EVA1C: variants seen among roughly 807,000 people sequenced by gnomAD.
The protein encoded by EVA1C is protein eva-1 homolog C.
Under a neutral mutation model 45.4 loss-of-function variants are expected in EVA1C, and 25 were observed. The observed-to-expected ratio is 0.55, with a 90% confidence interval of 0.40 to 0.77. The LOEUF (loss-of-function observed/expected upper bound fraction) is 0.77, where lower values mean the gene tolerates loss of function less well. Among genes scored for constraint, EVA1C ranks in the 30% least tolerant of loss-of-function variants. EVA1C has a pLI of 0.00. For missense variants in EVA1C, 479 were observed against 554.8 expected (o/e 0.86, Z 1.37); for synonymous variants, 190 against 221.2 (o/e 0.86, Z 1.25).
At chr21:32,427,305 C>T (rs1009963721) in intron 1 of EVA1C, among the ~76,000 whole-genome samples, 4 of 152,198 alleles carry the variant, frequency 2.6e-5, no homozygotes, top group African/African-American at 9.7e-5. Context: ...CATCTTCTTG[C>T]AAGACTTTAC....
chr21:32,488,831 C>T (rs1459005352), intron 4 of EVA1C, among the ~76,000 whole-genome samples: 3 of 150,312 alleles, frequency 2.0e-5, no homozygotes, highest in Non-Finnish European at 2.9e-5. Context: ...GGTGATCCGC[C>T]CACCTTGGCC....
At chr21:32,424,297 G>A (rs935860465) in intron 1 of EVA1C, among the ~76,000 whole-genome samples, 1 of 152,074 alleles carries the variant, frequency 6.6e-6, no homozygotes, top group African/African-American at 2.4e-5. Context: ...ACTGTACTGA[G>A]GAACAAGAGA....
chr21:32,509,418 C>T (rs2037873275), intron 7 of EVA1C, among the ~76,000 whole-genome samples: 2 of 152,192 alleles, frequency 1.3e-5, no homozygotes, highest in African/African-American at 4.8e-5. Context: ...GGGAGAGAAG[C>T]TCTCCTGGCA....
rs1488695683 is a variant in EVA1C at position 32,413,833 on chromosome 21, C to T, written c.160+820C>T. The stretch of plus-strand genomic sequence containing the variant: ...GCCGCTGAAGCACACCTGGATCTCC[C>T]TCTGGCAAGGCTGGAGGCCTTCAGC... On this transcript the variant is annotated intron_variant, in intron 1 of 7. Coordinates refer to ENST00000300255, the MANE Select transcript of EVA1C (RefSeq NM_058187.5). Among the ~76,000 whole-genome samples, 161 of 152,300 alleles carry T rather than the reference C, an allele frequency of 1.1e-3. 1 individual carries two copies. Among genetic ancestry groups the T allele is most frequent in the Non-Finnish European group, 1.5e-5 (1 of 68,016 alleles).
intron 1 of EVA1C, among the ~76,000 whole-genome samples, chr21:32,416,240 T>G (rs761130332): frequency 1.8e-3 from 270 of 152,196 alleles, no homozygotes; most frequent in Middle Eastern, 3.4e-3. Flanking sequence ...TTCTAATTTG[T>G]GTTGTTTCTC....
At chr21:32,427,696 A>T (rs2034542772) in intron 1 of EVA1C, among the ~76,000 whole-genome samples, 1 of 148,978 alleles carries the variant, frequency 6.7e-6, no homozygotes, top group Non-Finnish European at 1.5e-5. Context: ...CTGGTGACAG[A>T]GCAAGTCTCC....
intron 1 of EVA1C, among the ~76,000 whole-genome samples, chr21:32,431,504 C>T (rs2034702859): frequency 2.0e-5 from 3 of 152,196 alleles, no homozygotes; most frequent in Non-Finnish European, 4.4e-5. Context: ...GCAGTTTCAC[C>T]CCCAGCTAAC....
intron 6 of EVA1C, among the ~76,000 whole-genome samples, chr21:32,503,069 C>A (rs2037610370): frequency 6.6e-6 from 1 of 152,234 alleles, no homozygotes; most frequent in South Asian, 2.1e-4. Context: ...GTCCCCCAAG[C>A]CATCAGGTTA....
chr21:32,437,968 CGCACG>C (rs2035025996), intron 1 of EVA1C, among the ~76,000 whole-genome samples: 1 of 152,184 alleles, frequency 6.6e-6, no homozygotes. Flanking sequence ...CAAATAACAC[CGCACG>C]GCCCCCGGTC....
chr21:32,496,084 G>C (rs1054441662), intron 5 of EVA1C, among the ~76,000 whole-genome samples: 6 of 152,176 alleles, frequency 3.9e-5, no homozygotes, highest in Non-Finnish European at 7.3e-5. Context: ...ACCACAATCA[G>C]TTTAAGAACA....
chr21:32,500,164 A>G (rs1302856265), intron 5 of EVA1C, among the ~76,000 whole-genome samples: 1 of 148,212 alleles, frequency 6.7e-6, no homozygotes, highest in African/African-American at 2.5e-5. Flanking sequence ...AGTCCAGGGA[A>G]GCTCATCTTC....
intron 1 of EVA1C, among the ~76,000 whole-genome samples, chr21:32,431,747 T>C (rs1239602250): frequency 3.3e-5 from 5 of 152,250 alleles, no homozygotes; most frequent in Admixed American, 3.3e-4. Context: ...GCTACCATTT[T>C]ACCCCATTTG....
chr21:32,421,110 C>T (rs1013730163), intron 1 of EVA1C, among the ~76,000 whole-genome samples: 49 of 152,152 alleles, frequency 3.2e-4, no homozygotes, highest in Middle Eastern at 6.8e-3. Flanking sequence ...CCCAACAAAA[C>T]ACCTAGAAAT....
rs548427955 is a variant in EVA1C, at chr21:32,497,216, G to A, written c.778+2046G>A. The A allele has an allele frequency of 8.6e-4, 700 of 813,802 alleles. 8 individuals carry two copies. The South Asian group carries it at 8.8e-3, about 10-fold the overall frequency. The allele number at this position is 813,802 out of a possible 1,614,324, so 50.4% of individuals were successfully genotyped here. A position where few individuals can be genotyped will look rare whatever the true frequency, so the allele number is the denominator to read the frequency against. On this transcript the variant is annotated intron_variant, in intron 5 of 7. Transcript: ENST00000300255. ...AAGAGTATGGGTTAAGGGAAAAACC[G>A]TCCAGCAGACTTTAATTTTGGCAAA...
At chr21:32,434,441 A>G (rs2034847248) in intron 1 of EVA1C, among the ~76,000 whole-genome samples, 1 of 150,180 alleles carries the variant, frequency 6.7e-6, no homozygotes, top group South Asian at 2.1e-4. Flanking sequence ...AATACAAAAA[A>G]TTAGCCGGGC....
intron 4 of EVA1C, among the ~76,000 whole-genome samples, chr21:32,469,611 A>T (rs1328046299): frequency 1.3e-5 from 2 of 152,212 alleles, no homozygotes; most frequent in African/African-American, 4.8e-5. Flanking sequence ...TTAAAGAATT[A>T]GTTCACAGGG....
At chr21:32,503,327 C>T (rs1269376010) in intron 6 of EVA1C, among the ~76,000 whole-genome samples, 9 of 152,188 alleles carry the variant, frequency 5.9e-5, no homozygotes, top group Admixed American at 5.9e-4. Flanking sequence ...GGGCAGATCA[C>T]CTGAGGTAAG....
chr21:32,431,618 C>T (rs147669596), intron 1 of EVA1C, among the ~76,000 whole-genome samples: 1,865 of 152,222 alleles, frequency 0.012, 25 homozygotes, highest in South Asian at 0.036. Context: ...AAACATTGCA[C>T]GCTTTTTCAT....
chr21:32,424,326 C>G (rs2146126151), intron 1 of EVA1C, among the ~76,000 whole-genome samples: 1 of 152,264 alleles, frequency 6.6e-6, no homozygotes, highest in African/African-American at 2.4e-5. Flanking sequence ...TCACCAGCTC[C>G]TTTTCCCTCC....
Sources: gnomAD v4.1 joint callset for allele counts (sites outside exome capture counted in the v4.1 genomes callset) on GRCh38, gnomAD v4.1.1 for gene constraint, MANE v1.5 for transcripts, NCBI Gene and HGNC (gene_info 2026-07-23, HGNC 2026-07-21) for gene names.